Variants in ANKRD33B observed in about 807,000 individuals in gnomAD.
ANKRD33B encodes ankyrin repeat domain-containing protein 33B.
Under a neutral mutation model 21.5 loss-of-function variants are expected in ANKRD33B, and 6 were observed. That is an observed-to-expected ratio of 0.28 (90% CI 0.15 to 0.55). The LOEUF (loss-of-function observed/expected upper bound fraction) is 0.55, where lower values mean the gene tolerates loss of function less well. Among genes scored for constraint, ANKRD33B ranks in the 20% least tolerant of loss-of-function variants. ANKRD33B has a pLI of 0.94. For missense variants in ANKRD33B, 698 were observed against 747.2 expected (o/e 0.93, Z 0.77); for synonymous variants, 347 against 342.4 (o/e 1.01, Z -0.15).
At chr5:10,608,074 T>C (rs1736088121) in intron 1 of ANKRD33B, among the ~76,000 whole-genome samples, 1 of 151,424 alleles carries the variant, frequency 6.6e-6, no homozygotes, top group South Asian at 2.1e-4. Flanking sequence ...GCAGGCTGAG[T>C]ACGGGGGCTC....
intron 1 of ANKRD33B, among the ~76,000 whole-genome samples, chr5:10,616,864 G>T (rs1407863921): frequency 6.6e-6 from 1 of 152,258 alleles, no homozygotes; most frequent in Non-Finnish European, 1.5e-5. Context: ...CAGAATGGAA[G>T]TTTATTCCTC....
In ANKRD33B at chr5:10,649,900, C is replaced by A; in HGVS notation, c.1272C>A (p.Pro424=). Residue 424 remains proline, a synonymous_variant, in exon 4 of 4, where the codon CCC becomes CCA. Transcript: ENST00000296657. The stretch of plus-strand genomic sequence containing the variant: ...GCGTGCGGCCCGGTGTGGTGGTGCC[C>A]CGGGTCCGAGTCAGCAAGGCGCCCG... ...RRSVRPGVVV[P]RVRVSKAPAP... is the part of the protein sequence containing the mutation. The A allele has an allele frequency of 6.6e-7, 1 of 1,515,334 alleles. No homozygotes were observed. Among genetic ancestry groups the A allele is most frequent in the Non-Finnish European group, 8.8e-7 (1 of 1,137,496 alleles). 93.9% of individuals were successfully genotyped at this position (1,515,334 alleles called of 1,614,324 possible). A position where few individuals can be genotyped will look rare whatever the true frequency, so the allele number is the denominator to read the frequency against.
At position 10,605,492 on chromosome 5, in the gene ANKRD33B, G is replaced by A. The variant is rs138889759; in HGVS notation, c.367-12841G>A. Among the ~76,000 whole-genome samples, 9 of 152,044 alleles carry A rather than the reference G, an allele frequency of 5.9e-5. No individual in the cohort carries two copies. In the East Asian group the frequency reaches 1.7e-3, roughly 29 times the overall value. On this transcript the variant is annotated intron_variant, in intron 1 of 3. Transcript: ENST00000296657. ...TGCTGTTGTAATTCATCCCCTGCAT[G>A]ACCTCTTTCTCATTGAGTTTCTTTC...
chr5:10,607,310 T>C (rs893111832), intron 1 of ANKRD33B, among the ~76,000 whole-genome samples: 3 of 152,222 alleles, frequency 2.0e-5, no homozygotes, highest in African/African-American at 7.2e-5. Flanking sequence ...CTCTCTGCCC[T>C]CACTCCGGAG....
At chr5:10,623,611 T>G (rs1003196888) in intron 2 of ANKRD33B, among the ~76,000 whole-genome samples, 3 of 152,196 alleles carry the variant, frequency 2.0e-5, no homozygotes, top group Non-Finnish European at 4.4e-5. Context: ...ACAGAAACAT[T>G]CAGACTGTGG....
Position 10,651,467 on chromosome 5 carries a change from T to G in ANKRD33B, c.*1354T>G, listed in dbSNP as rs1394221005. On this transcript the variant is annotated 3_prime_UTR_variant, in exon 4 of 4. Coordinates refer to ENST00000296657, the MANE Select transcript of ANKRD33B (RefSeq NM_001164440.2). The stretch of plus-strand genomic sequence containing the variant: ...TTATCAAAGGGGGTTTTCTGCATAA[T>G]TTTGTATTTGTAATCATTATCAGAT... 1 of 152,292 alleles carries G rather than the reference T, an allele frequency of 6.6e-6. No individual in the cohort carries two copies. The highest frequency in any genetic ancestry group is 2.4e-5 in the African/African-American group (1 of 41,428). The allele number at this position is 152,292 out of a possible 1,614,324, so 9.4% of individuals were successfully genotyped here. A position where few individuals can be genotyped will look rare whatever the true frequency, so the allele number is the denominator to read the frequency against.
intron 1 of ANKRD33B, among the ~76,000 whole-genome samples, chr5:10,591,784 A>G (rs1321223589): frequency 6.8e-6 from 1 of 148,002 alleles, no homozygotes; most frequent in Non-Finnish European, 1.5e-5. Flanking sequence ...CTCTTGGTGT[A>G]TTTATGCTGA....
chr5:10,603,025 G>T (rs1345598968), intron 1 of ANKRD33B, among the ~76,000 whole-genome samples: 1 of 151,970 alleles, frequency 6.6e-6, no homozygotes, highest in Non-Finnish European at 1.5e-5. Flanking sequence ...TGTTGCCCAG[G>T]CTGGTCTCGA....
intron 1 of ANKRD33B, among the ~76,000 whole-genome samples, chr5:10,586,474 G>T (rs1735561850): frequency 1.4e-5 from 2 of 146,254 alleles, no homozygotes; most frequent in South Asian, 4.6e-4. Context: ...ATGTGCGTTG[G>T]GTTCTTGTAA....
At chr5:10,595,914 G>A (rs890048836) in intron 1 of ANKRD33B, among the ~76,000 whole-genome samples, 1 of 152,204 alleles carries the variant, frequency 6.6e-6, no homozygotes, top group African/African-American at 2.4e-5. Context: ...AAGGCTGAGT[G>A]TACCAGGGCA....
At chr5:10,613,200 A>G (rs1171261562) in intron 1 of ANKRD33B, among the ~76,000 whole-genome samples, 6 of 151,914 alleles carry the variant, frequency 3.9e-5, no homozygotes. Context: ...CTCACGCAGC[A>G]TCCGGCCCTC....
In ANKRD33B at chr5:10,652,730, TGGACGTGTTGC is replaced by T. The variant is rs1737388318; in HGVS notation, c.*2620_*2630del. 5.2e-6 allele frequency: 1 copy of T among 191,108 alleles called. No homozygotes were observed. The highest frequency in any genetic ancestry group is 1.1e-5 in the Non-Finnish European group (1 of 87,618). The allele number at this position is 191,108 out of a possible 1,614,324, so 11.8% of individuals were successfully genotyped here. A position where few individuals can be genotyped will look rare whatever the true frequency, so the allele number is the denominator to read the frequency against. ...CCCCAGGTCCCACGCTGTTCTGGAGTGGACGTGTTGCGGCCCTGCCCCCGATGTGTTCCAGC... is the reference window on the plus strand; with the variant it reads ...CCCCAGGTCCCACGCTGTTCTGGAGTGGCCCTGCCCCCGATGTGTTCCAGC... On this transcript the variant is annotated 3_prime_UTR_variant, in exon 4 of 4. Transcript: ENST00000296657. The surrounding 1 kb of genome is among the most constrained non-coding windows in gnomAD (Gnocchi z 4.1).
At chr5:10,598,139 A>C (rs1735854686) in intron 1 of ANKRD33B, among the ~76,000 whole-genome samples, 1 of 152,176 alleles carries the variant, frequency 6.6e-6, no homozygotes, top group African/African-American at 2.4e-5. Context: ...CCTGGATGTG[A>C]CCACCCCATT....
chr5:10,639,464 C>T (rs1293275842), intron 3 of ANKRD33B, among the ~76,000 whole-genome samples: 1 of 3,088 alleles, frequency 3.2e-4, no homozygotes, highest in Admixed American at 2.5e-3. Flanking sequence ...AGTTGCGCGG[C>T]GATGTTAGCG....
intron 1 of ANKRD33B, among the ~76,000 whole-genome samples, chr5:10,585,846 C>T (rs905946988): frequency 6.6e-6 from 1 of 152,216 alleles, no homozygotes; most frequent in African/African-American, 2.4e-5. Context: ...AGATGGGACT[C>T]ACTGCAGGGC....
At chr5:10,569,605 T>TAAAC (rs1474160622) in intron 1 of ANKRD33B, among the ~76,000 whole-genome samples, 1 of 151,122 alleles carries the variant, frequency 6.6e-6, no homozygotes, top group Non-Finnish European at 1.5e-5. Flanking sequence ...TGAAAATAAA[T>TAAAC]AAATAAATAA....
In ANKRD33B at chr5:10,649,347, TCC is replaced by T. The variant is rs1737265803; in HGVS notation, c.720_721del (p.Arg241SerfsTer27). The stretch of plus-strand genomic sequence containing the variant: ...ACTTACACGGGCCGCGTGGATGCCG[TCC>T]GTCTCATGCAGAGGCTGCTGGAGCG... On this transcript the variant is annotated frameshift_variant, in exon 4 of 4. Transcript: ENST00000296657. LOFTEE classifies it low-confidence loss of function (END_TRUNC). 1 of 1,535,122 alleles carries T rather than the reference TCC, an allele frequency of 6.5e-7. No homozygotes were observed. Among genetic ancestry groups the T allele is most frequent in the Non-Finnish European group, 8.7e-7 (1 of 1,146,734 alleles).
chr5:10,650,127 T>C lies in ANKRD33B; in HGVS notation c.*14T>C. 1 of 1,453,800 alleles carries C rather than the reference T, an allele frequency of 6.9e-7. No individual in the cohort carries two copies. The highest frequency in any genetic ancestry group is 9.1e-7 in the Non-Finnish European group (1 of 1,102,270). 90.1% of individuals were successfully genotyped at this position (1,453,800 alleles called of 1,614,324 possible). A position where few individuals can be genotyped will look rare whatever the true frequency, so the allele number is the denominator to read the frequency against. ...AAGAGGACGTGAGGGCCCGTGTGCC[T>C]GGCGCTGGGGCCGGGGCTGGGGCCG... is the stretch of plus-strand genomic sequence containing the variant. On this transcript the variant is annotated 3_prime_UTR_variant, in exon 4 of 4. Transcript: ENST00000296657.
At chr5:10,611,483 G>A (rs1444924962) in intron 1 of ANKRD33B, among the ~76,000 whole-genome samples, 1 of 152,142 alleles carries the variant, frequency 6.6e-6, no homozygotes, top group Non-Finnish European at 1.5e-5. Flanking sequence ...TAAGAGTTTG[G>A]TGCATGGAAC....
Sources: allele counts gnomAD v4.1 joint callset (sites outside exome capture counted in the v4.1 genomes callset), GRCh38; gene constraint gnomAD v4.1.1; non-coding constraint Gnocchi (gnomAD v3.1); transcripts MANE v1.5; gene names NCBI Gene and HGNC (gene_info 2026-07-23, HGNC 2026-07-21).